RAP1A: variants seen among roughly 807,000 people sequenced by gnomAD.
The protein encoded by RAP1A is ras-related protein Rap-1A.
Under a neutral mutation model 26.4 loss-of-function variants are expected in RAP1A, and 6 were observed. That is an observed-to-expected ratio of 0.23 (90% confidence interval 0.12 to 0.45). The LOEUF is 0.45. Among genes scored for constraint, RAP1A ranks in the 20% least tolerant of loss-of-function variants. The pLI, the probability that RAP1A is intolerant of heterozygous loss-of-function variation, is 0.99. For synonymous variants in RAP1A, 73 were observed against 79.4 expected (o/e 0.92, Z 0.43); for missense variants, 121 against 217.2 (o/e 0.56, Z 2.78).
At chr1:111,709,919 G>A (rs1662324705) in intron 7 of RAP1A, among the ~76,000 whole-genome samples, 1 of 152,044 alleles carries the variant, frequency 6.6e-6, no homozygotes, top group African/African-American at 2.4e-5. Flanking sequence ...TTCTTTCTTT[G>A]GGGGAATTAG....
intron 1 of RAP1A, among the ~76,000 whole-genome samples, chr1:111,639,566 CT>C (rs10646278): frequency 2.2e-4 from 33 of 148,440 alleles, no homozygotes; most frequent in Non-Finnish European, 3.4e-4. Context: ...ACATTATGAA[CT>C]TTTTTTTTTT....
chr1:111,709,437 T>TGA (rs1662306468), intron 7 of RAP1A, among the ~76,000 whole-genome samples, 173 bp downstream of exon 7: 1 of 152,186 alleles, frequency 6.6e-6, no homozygotes, highest in South Asian at 2.1e-4. Context: ...CCTCTCCCCT[T>TGA]GAGATTCTAA....
chr1:111,658,269 C>T (rs1045775747), intron 1 of RAP1A, among the ~76,000 whole-genome samples: 2 of 152,122 alleles, frequency 1.3e-5, no homozygotes, highest in African/African-American at 2.4e-5. Context: ...AGTCACACAT[C>T]ACTTAACAAC....
At chr1:111,606,343 A>G (rs1658777313) in intron 1 of RAP1A, among the ~76,000 whole-genome samples, 1 of 152,212 alleles carries the variant, frequency 6.6e-6, no homozygotes, top group Admixed American at 6.5e-5. Context: ...AACCTTTAAA[A>G]AAAAAATGCC....
chr1:111,639,672 A>G (rs1008237876), intron 1 of RAP1A, among the ~76,000 whole-genome samples: 18 of 152,198 alleles, frequency 1.2e-4, no homozygotes, highest in Non-Finnish European at 2.6e-4. Flanking sequence ...TCATGAGAGT[A>G]CTGCACTCAC....
chr1:111,668,851 A>AG (rs1457707686), intron 1 of RAP1A, among the ~76,000 whole-genome samples: 1 of 151,966 alleles, frequency 6.6e-6, no homozygotes, highest in East Asian at 1.9e-4. Flanking sequence ...CAACATGGTG[A>AG]AATCCCATCT....
At chr1:111,543,060 A>T (rs1480065345) in intron 1 of RAP1A, among the ~76,000 whole-genome samples, 1 of 152,196 alleles carries the variant, frequency 6.6e-6, no homozygotes, top group Non-Finnish European at 1.5e-5. Flanking sequence ...AGATTCTCCC[A>T]GTGGGTTATA....
intron 1 of RAP1A, among the ~76,000 whole-genome samples, chr1:111,687,314 T>A (rs769358698): frequency 2.6e-5 from 4 of 151,968 alleles, no homozygotes; most frequent in Non-Finnish European, 5.9e-5. Flanking sequence ...TTTAAGCAAT[T>A]CTCCTGCCTC....
intron 1 of RAP1A, among the ~76,000 whole-genome samples, chr1:111,685,891 A>G (rs995252660): frequency 6.6e-6 from 1 of 152,214 alleles, no homozygotes; most frequent in Non-Finnish European, 1.5e-5. Context: ...CCCATCAATG[A>G]TAGACTGGAT....
chr1:111,653,025 C>G (rs753127258), intron 1 of RAP1A, among the ~76,000 whole-genome samples: 2 of 152,090 alleles, frequency 1.3e-5, no homozygotes, highest in Non-Finnish European at 2.9e-5. Flanking sequence ...TGTCCATCAA[C>G]TGATAAATAA....
intron 1 of RAP1A, among the ~76,000 whole-genome samples, chr1:111,647,710 C>CTT (rs58515698): frequency 6.9e-6 from 1 of 144,348 alleles, no homozygotes; most frequent in Non-Finnish European, 1.5e-5. Flanking sequence ...GGCTCTAGAT[C>CTT]TTTTTTTTTT....
chr1:111,647,499 G>A (rs1054841746), intron 1 of RAP1A, among the ~76,000 whole-genome samples: 11 of 152,138 alleles, frequency 7.2e-5, no homozygotes, highest in African/African-American at 2.7e-4. Context: ...CATGAAACTG[G>A]TTCTGCCAAA....
chr1:111,597,634 C>G (rs1380526913), intron 1 of RAP1A, among the ~76,000 whole-genome samples: 1 of 152,178 alleles, frequency 6.6e-6, no homozygotes, highest in East Asian at 1.9e-4. Flanking sequence ...ACATTTCTCT[C>G]CAAGTGTGGG....
chr1:111,564,896 A>G (rs1209457161), intron 1 of RAP1A, among the ~76,000 whole-genome samples: 1 of 152,164 alleles, frequency 6.6e-6, no homozygotes. Flanking sequence ...CATGCTTGCT[A>G]TCATGAAACT....
At position 111,564,829 on chromosome 1, in the gene RAP1A, TA is replaced by T. The variant is rs77905905; in HGVS notation, c.-28+22331del. On this transcript the variant is annotated intron_variant, in intron 1 of 7. Transcript: ENST00000356415. Reference sequence around the variant, plus strand: ...ACCCGGCCTGTGAGACCCCAACTCTTAAAAAAAAAAAGTTACTTAGGTGAAT... The same window carrying T: ...ACCCGGCCTGTGAGACCCCAACTCTTAAAAAAAAAAGTTACTTAGGTGAAT... 2.7e-3 allele frequency among the ~76,000 whole-genome samples: 386 copies of T among 145,634 alleles called. 4 individuals carry two copies. The highest frequency in any genetic ancestry group is 0.025 in the South Asian group (115 of 4,622).
At chr1:111,632,921 CAAAAAAAA>C (rs59053038) in intron 1 of RAP1A, among the ~76,000 whole-genome samples, 1 of 68,784 alleles carries the variant, frequency 1.5e-5, no homozygotes. Context: ...AACTTGGTCT[CAAAAAAAA>C]AAAAAAAAAA....
In RAP1A at chr1:111,558,168, A is replaced by G. The variant is rs568241562; in HGVS notation, c.-28+15659A>G. ...CCAAACTCTTTGGGTTAAAAAAGTC[A>G]ATATGGAAATTTTTTTCTTTTTGTT... is the stretch of plus-strand genomic sequence containing the variant. On this transcript the variant is annotated intron_variant, in intron 1 of 7. Coordinates refer to the RAP1A transcript ENST00000356415. Among the ~76,000 whole-genome samples the G allele has an allele frequency of 5.9e-5, 9 of 152,224 alleles. No individual in the cohort carries two copies. In the East Asian group the frequency reaches 1.4e-3, roughly 23 times the overall value.
chr1:111,623,533 A>G (rs1460892104), intron 1 of RAP1A, among the ~76,000 whole-genome samples: 1 of 151,956 alleles, frequency 6.6e-6, no homozygotes, highest in Admixed American at 6.6e-5. Flanking sequence ...TAGCCTCCTG[A>G]GTAACTGGGA....
At chr1:111,583,582 C>T (rs1479433026) in intron 1 of RAP1A, among the ~76,000 whole-genome samples, 1 of 151,928 alleles carries the variant, frequency 6.6e-6, no homozygotes, top group African/African-American at 2.4e-5. Context: ...TTCACAATTT[C>T]TATGTAAGTC....
Sources: gnomAD v4.1 joint callset for allele counts (sites outside exome capture counted in the v4.1 genomes callset) on GRCh38, gnomAD v4.1.1 for gene constraint, MANE v1.5 for transcripts, NCBI Gene and HGNC (gene_info 2026-07-23, HGNC 2026-07-21) for gene names.